Variants in PTPRM observed in about 807,000 individuals in gnomAD.
The protein encoded by PTPRM is receptor-type tyrosine-protein phosphatase mu.
Under a neutral mutation model 186.7 loss-of-function variants are expected in PTPRM, and 47 were observed. The ratio of observed to expected loss-of-function variants is 0.25; its 90% CI spans 0.20 to 0.32. The LOEUF (loss-of-function observed/expected upper bound fraction) is 0.32. Ranked by LOEUF, PTPRM falls within the 10% of genes least tolerant of loss-of-function variation. PTPRM has a pLI of 1.00. For missense variants in PTPRM, 1,494 were observed against 1,865.0 expected (o/e 0.80, Z 3.66); for synonymous variants, 668 against 674.9 (o/e 0.99, Z 0.16).
At chr18:7,817,034 G>A (rs1488538664) in intron 2 of PTPRM, among the ~76,000 whole-genome samples, 1 of 151,640 alleles carries the variant, frequency 6.6e-6, no homozygotes, top group Non-Finnish European at 1.5e-5. Context: ...GAGGGCAGGG[G>A]CGTGATCTCG....
intron 7 of PTPRM, among the ~76,000 whole-genome samples, chr18:7,979,453 T>C (rs1261476750): frequency 1.3e-5 from 2 of 152,220 alleles, no homozygotes; most frequent in Admixed American, 6.5e-5. Context: ...ACATCTCTTT[T>C]GGGCAGATTA....
chr18:7,952,106 C>T (rs1403497401), intron 6 of PTPRM, among the ~76,000 whole-genome samples: 1 of 152,142 alleles, frequency 6.6e-6, no homozygotes, highest in Non-Finnish European at 1.5e-5. Flanking sequence ...TATCAATACC[C>T]TATTTAGTTA....
intron 5 of PTPRM, among the ~76,000 whole-genome samples, chr18:7,933,204 T>A (rs1295910868): frequency 6.6e-6 from 1 of 152,228 alleles, no homozygotes; most frequent in Non-Finnish European, 1.5e-5. Context: ...GTAGTGATGA[T>A]GGCAATTTGG....
intron 2 of PTPRM, among the ~76,000 whole-genome samples, chr18:7,863,645 T>G (rs1203182997): frequency 6.6e-6 from 1 of 152,222 alleles, no homozygotes; most frequent in Admixed American, 6.5e-5. Flanking sequence ...TTGTGAATAG[T>G]GCCTCAATAA....
At chr18:7,760,702 T>A (rs2041729974) in intron 1 of PTPRM, among the ~76,000 whole-genome samples, 1 of 152,228 alleles carries the variant, frequency 6.6e-6, no homozygotes. Context: ...CATAGCATAA[T>A]GTATGTGTTT....
intron 1 of PTPRM, among the ~76,000 whole-genome samples, chr18:7,720,645 C>A (rs569701298): frequency 2.0e-5 from 3 of 152,254 alleles, no homozygotes; most frequent in Admixed American, 2.0e-4. Context: ...ACCTCCCCAT[C>A]CCCCAGCCAC....
intron 20 of PTPRM, among the ~76,000 whole-genome samples, chr18:8,313,621 A>G (rs1840803348): frequency 1.3e-5 from 2 of 151,640 alleles, no homozygotes; most frequent in South Asian, 4.2e-4. Context: ...TTTTGGGGGA[A>G]CAAGTGGTGT....
intron 1 of PTPRM, among the ~76,000 whole-genome samples, chr18:7,664,936 G>GA (rs556845956): frequency 4.9e-4 from 75 of 152,264 alleles, no homozygotes; most frequent in Non-Finnish European, 8.8e-4. Context: ...GTGTGATGGG[G>GA]AAAATCAGAA....
intron 20 of PTPRM, 33 bp downstream of exon 20, chr18:8,296,488 G>A (rs1298024397): frequency 7.3e-6 from 11 of 1,511,062 alleles, no homozygotes; most frequent in Non-Finnish European, 9.2e-6. Flanking sequence ...TGCTGTTGTA[G>A]AACTTCCTTT....
chr18:8,250,460 C>T (rs191490127), intron 17 of PTPRM, among the ~76,000 whole-genome samples: 1 of 152,028 alleles, frequency 6.6e-6, no homozygotes, highest in African/African-American at 2.4e-5. Context: ...TTCTAATGTG[C>T]TCTTCTGCAT....
chr18:8,050,437 A>G (rs568711285), intron 7 of PTPRM, among the ~76,000 whole-genome samples: 1 of 149,348 alleles, frequency 6.7e-6, no homozygotes, highest in African/African-American at 2.6e-5. Flanking sequence ...TTTAAGTATG[A>G]ATATGAATAT....
At chr18:8,301,626 A>G (rs1345413780) in intron 20 of PTPRM, among the ~76,000 whole-genome samples, 5 of 152,192 alleles carry the variant, frequency 3.3e-5, no homozygotes, top group African/African-American at 9.7e-5. Flanking sequence ...CATTCTTTCA[A>G]CAGATATTTG....
intron 23 of PTPRM, among the ~76,000 whole-genome samples, chr18:8,354,128 G>A (rs1055623016): frequency 5.3e-5 from 8 of 151,840 alleles, no homozygotes; most frequent in African/African-American, 7.2e-5. Flanking sequence ...CAGGAGAATC[G>A]CTTGAACCCA....
intron 7 of PTPRM, among the ~76,000 whole-genome samples, chr18:8,051,433 C>T (rs997039017): frequency 6.6e-6 from 1 of 152,216 alleles, no homozygotes; most frequent in Non-Finnish European, 1.5e-5. Context: ...GTCTTCTGCT[C>T]ATTTTATCCC....
chr18:7,618,768 CG>C, intron 1 of PTPRM, among the ~76,000 whole-genome samples: 1 of 152,262 alleles, frequency 6.6e-6, no homozygotes, highest in East Asian at 1.9e-4. Flanking sequence ...AGCACCATAA[CG>C]CTTGTTAAGC....
intron 14 of PTPRM, among the ~76,000 whole-genome samples, chr18:8,223,248 T>G (rs2094175513): frequency 6.6e-6 from 1 of 152,006 alleles, no homozygotes. Flanking sequence ...AAGTAATAAA[T>G]AAAAACTGGT....
At chr18:8,280,135 G>A (rs533837959) in intron 19 of PTPRM, among the ~76,000 whole-genome samples, 10 of 152,298 alleles carry the variant, frequency 6.6e-5, no homozygotes, top group African/African-American at 2.2e-4. Flanking sequence ...ACAGTCTGGA[G>A]GCTGGAAATG....
rs1336220245 is a variant in PTPRM at position 7,949,346 on chromosome 18, G to A, written c.829G>A (p.Val277Ile). Residue 277 changes from valine (V) to isoleucine (I), a missense_variant, in exon 6 of 33, where the codon GTA becomes ATA. Coordinates refer to ENST00000580170, the MANE Select transcript of PTPRM (RefSeq NM_001105244.2). ...TGGAATATCAAACTATGCAGAGTTG[G>A]TAGTTAAAGGTATTTAATGTGTTTT... ...GVGISNYAEL[V>I]VKEPPVPIAP... is the part of the protein sequence containing the mutation. The A allele has an allele frequency of 6.2e-7, 1 of 1,610,698 alleles. No individual in the cohort carries two copies. Among genetic ancestry groups the A allele is most frequent in the African/African-American group, 1.3e-5 (1 of 74,850 alleles).
At chr18:8,251,403 A>G (rs2147373779) in intron 17 of PTPRM, among the ~76,000 whole-genome samples, 1 of 152,348 alleles carries the variant, frequency 6.6e-6, no homozygotes, top group South Asian at 2.1e-4. Context: ...TCAAAGCTCA[A>G]GGGATTCGGT....
Sources: gnomAD v4.1 joint callset for allele counts (sites outside exome capture counted in the v4.1 genomes callset) on GRCh38, gnomAD v4.1.1 for gene constraint, MANE v1.5 for transcripts, NCBI Gene and HGNC (gene_info 2026-07-23, HGNC 2026-07-21) for gene names.